The following RUNDC3B variants were observed in gnomAD, a reference collection of about 807,000 sequenced individuals.
RUNDC3B encodes RUN domain-containing protein 3B.
A neutral mutation model predicts 58.4 loss-of-function variants in RUNDC3B; 33 were observed. That is an observed-to-expected ratio of 0.56 (90% confidence interval 0.43 to 0.75). RUNDC3B has a LOEUF of 0.75. Among genes scored for constraint, RUNDC3B ranks in the 30% least tolerant of loss-of-function variants. The pLI, the probability that RUNDC3B is intolerant of heterozygous loss-of-function variation, is 0.00. For missense variants in RUNDC3B, 501 were observed against 535.7 expected, an observed-to-expected ratio of 0.94 and a Z score of 0.64; for synonymous variants, 193 against 195.2, an observed-to-expected ratio of 0.99 and a Z score of 0.10.
intron 8 of RUNDC3B, among the ~76,000 whole-genome samples, chr7:87,801,146 G>A (rs766297770): frequency 9.9e-5 from 15 of 152,258 alleles, no homozygotes; most frequent in Non-Finnish European, 1.9e-4. Context: ...TTTCAAATTA[G>A]GAATGCTCAA....
At chr7:87,761,606 T>C (rs761708413) in intron 6 of RUNDC3B, among the ~76,000 whole-genome samples, 33 of 151,928 alleles carry the variant, frequency 2.2e-4, no homozygotes, top group Non-Finnish European at 4.3e-4. Flanking sequence ...TAAAATGTGA[T>C]GTATCCATAC....
intron 7 of RUNDC3B, among the ~76,000 whole-genome samples, chr7:87,774,131 C>G (rs900245947): frequency 6.6e-6 from 1 of 151,948 alleles, no homozygotes; most frequent in African/African-American, 2.4e-5. Flanking sequence ...AGTTTAGCAC[C>G]ACCCACATGC....
chr7:87,790,047 G>A (rs1349719039), intron 8 of RUNDC3B, among the ~76,000 whole-genome samples: 1 of 152,190 alleles, frequency 6.6e-6, no homozygotes, highest in Non-Finnish European at 1.5e-5. Flanking sequence ...TGGTAGTCTG[G>A]TAGTGGTTGC....
chr7:87,786,235 T>C (rs1304015765), intron 8 of RUNDC3B, among the ~76,000 whole-genome samples: 2 of 152,100 alleles, frequency 1.3e-5, no homozygotes, highest in African/African-American at 4.8e-5. Context: ...GCAGCCCAGC[T>C]CCACTTCCTC....
chr7:87,638,078 A>G (rs777966920), intron 1 of RUNDC3B, among the ~76,000 whole-genome samples: 2 of 152,070 alleles, frequency 1.3e-5, no homozygotes, highest in Non-Finnish European at 2.9e-5. Context: ...TTGTCTTTCA[A>G]GTAAACGTGA....
intron 2 of RUNDC3B, among the ~76,000 whole-genome samples, chr7:87,699,992 G>A (rs993151797): frequency 6.6e-6 from 1 of 151,952 alleles, no homozygotes; most frequent in Admixed American, 6.6e-5. Context: ...AAAGAATTAT[G>A]GTGGTGGGGT....
chr7:87,701,704 A>T (rs1300713260), intron 3 of RUNDC3B, among the ~76,000 whole-genome samples: 1 of 152,202 alleles, frequency 6.6e-6, no homozygotes, highest in African/African-American at 2.4e-5. Context: ...AGACTATTAA[A>T]AGATTCCCTT....
intron 1 of RUNDC3B, among the ~76,000 whole-genome samples, chr7:87,634,210 A>T (rs926552571): frequency 1.3e-5 from 2 of 152,138 alleles, no homozygotes; most frequent in Non-Finnish European, 2.9e-5. Context: ...TGATTAGCCA[A>T]ATACTTCCTG....
intron 2 of RUNDC3B, among the ~76,000 whole-genome samples, chr7:87,692,848 A>G (rs138418783): frequency 1.9e-3 from 292 of 152,344 alleles, no homozygotes; most frequent in Non-Finnish European, 2.8e-3. Context: ...TAACTGTCGT[A>G]CCAAGTTATA....
chr7:87,676,426 C>T (rs967831465), intron 2 of RUNDC3B, among the ~76,000 whole-genome samples: 7 of 151,816 alleles, frequency 4.6e-5, no homozygotes, highest in South Asian at 2.1e-4. Context: ...AGAGGCCAGG[C>T]GCAGTGGCTC....
At chr7:87,704,026 T>C (rs1829375921) in intron 3 of RUNDC3B, among the ~76,000 whole-genome samples, 1 of 144,956 alleles carries the variant, frequency 6.9e-6, no homozygotes, top group African/African-American at 2.5e-5. Context: ...GCTCAAGCAA[T>C]TCTCCTGCCT....
chr7:87,672,320 T>C (rs934226908), intron 2 of RUNDC3B, among the ~76,000 whole-genome samples: 3 of 152,200 alleles, frequency 2.0e-5, no homozygotes, highest in Non-Finnish European at 4.4e-5. Flanking sequence ...TCTGGTCAGC[T>C]TGGACTCTCC....
Position 87,741,501 on chromosome 7 carries a change from T to C in RUNDC3B, c.551T>C (p.Phe184Ser). ...LLGLNAIDFS[F>S]CLKGEGLDGS... ...ATATTTATTTTCTATTGTCTTAGTT[T>C]CTGCCTAAAGGGAGAGGGGCTGGAT... Residue 184 changes from phenylalanine (F) to serine (S), a missense_variant and splice_region_variant, in exon 6 of 11, where the codon TTC becomes TCC. Physicochemically the swap from Phe to Ser is radical, Grantham distance 155 (BLOSUM62 -2). Coordinates refer to ENST00000394654, the MANE Select transcript of RUNDC3B (RefSeq NM_001134405.2). 1 of 1,522,876 alleles carries C rather than the reference T, an allele frequency of 6.6e-7. No homozygotes were observed. The highest frequency in any genetic ancestry group is 9.0e-7 in the Non-Finnish European group (1 of 1,111,132). The allele number at this position is 1,522,876 out of a possible 1,614,324, so 94.3% of individuals were successfully genotyped here.
At chr7:87,790,997 C>T (rs1340484930) in intron 8 of RUNDC3B, among the ~76,000 whole-genome samples, 1 of 152,068 alleles carries the variant, frequency 6.6e-6, no homozygotes, top group Non-Finnish European at 1.5e-5. Flanking sequence ...GGTTATAGAA[C>T]ACCAGGCAGA....
chr7:87,654,016 G>C (rs1823833552), intron 2 of RUNDC3B, among the ~76,000 whole-genome samples: 1 of 152,002 alleles, frequency 6.6e-6, no homozygotes, highest in Non-Finnish European at 1.5e-5. Flanking sequence ...TAGTTTGCCT[G>C]AGCTGAAGTT....
intron 3 of RUNDC3B, among the ~76,000 whole-genome samples, chr7:87,703,885 CTTTTTTTTTTTTTTTTTT>C: frequency 1.7e-5 from 1 of 60,282 alleles, no homozygotes; most frequent in Non-Finnish European, 3.2e-5. Context: ...TCAGTTTTTT[CTTTTTTTTTTTTTTTTTT>C]TTTTTTTTTG....
At chr7:87,760,976 A>G (rs1833645848) in intron 6 of RUNDC3B, among the ~76,000 whole-genome samples, 1 of 152,060 alleles carries the variant, frequency 6.6e-6, no homozygotes, top group Non-Finnish European at 1.5e-5. Flanking sequence ...AAATAGATAA[A>G]TTGGACTTCA....
intron 8 of RUNDC3B, among the ~76,000 whole-genome samples, chr7:87,785,240 AG>A (rs1032992651): frequency 7.2e-5 from 11 of 152,142 alleles, no homozygotes; most frequent in Admixed American, 6.5e-4. Context: ...CAAGTGTTCC[AG>A]GCCATGGGGC....
At chr7:87,635,630 CTT>C (rs898028524) in intron 1 of RUNDC3B, among the ~76,000 whole-genome samples, 3 of 152,100 alleles carry the variant, frequency 2.0e-5, no homozygotes, top group South Asian at 2.1e-4. Flanking sequence ...TTTTTATTGA[CTT>C]ATACTTTCCA....
Sources: allele counts gnomAD v4.1 joint callset (sites outside exome capture counted in the v4.1 genomes callset), GRCh38; gene constraint gnomAD v4.1.1; transcripts MANE v1.5; gene names NCBI Gene and HGNC (gene_info 2026-07-23, HGNC 2026-07-21).